The following TF variants were observed in gnomAD, a reference collection of about 807,000 sequenced individuals.
TF encodes the protein transferrin.
TF carries 55 observed loss-of-function variants against 82.4 expected under a neutral mutation model. That is an observed-to-expected ratio of 0.67 (90% CI 0.54 to 0.84). The LOEUF is 0.84. Among genes scored for constraint, TF ranks in the 40% least tolerant of loss-of-function variants. The pLI is 0.00. For synonymous variants in TF, 332 were observed against 332.6 expected, an observed-to-expected ratio of 1.00 and a Z score of 0.02; for missense variants, 737 against 868.4, an observed-to-expected ratio of 0.85 and a Z score of 1.90.
chr3:133,756,685 G>A lies in TF; in HGVS notation c.692-146G>A, dbSNP rs41295764. The A allele has an allele frequency of 1.8e-3, 1,760 of 1,004,056 alleles. 10 individuals are homozygous for A. In the African/African-American group the frequency reaches 0.018, roughly 10 times the overall value. The allele number at this position is 1,004,056 out of a possible 1,614,324, so 62.2% of individuals were successfully genotyped here. A position where few individuals can be genotyped will look rare whatever the true frequency, so the allele number is the denominator to read the frequency against. ...TTTACCTGGCTGTGGGCTCTTGAGC[G>A]AGTCATTCTCCCGCATGTTCTCTGG... On this transcript the variant is annotated intron_variant, in intron 6 of 16. Transcript: ENST00000402696.
rs1559883678 is a variant in TF, at chr3:133,786,230, A to AAAAC, written c.*7613_*7614insCAAA. ...TCAATAAAAAAATAAATTAAAAAAAAAAAAAAAAAACAATACTATTTTTTG... is the reference window on the plus strand; with the variant it reads ...TCAATAAAAAAATAAATTAAAAAAAAAAACAAAAAAAAAACAATACTATTTTTTG... On this transcript the variant is annotated 3_prime_UTR_variant, in exon 17 of 17. Transcript: ENST00000402696. 5.2e-5 allele frequency: 4 copies of AAAAC among 77,196 alleles called. No individual in the cohort carries two copies. The highest frequency in any genetic ancestry group is 6.0e-4 in the South Asian group (1 of 1,676). 4.8% of individuals were successfully genotyped at this position (77,196 alleles called of 1,614,324 possible). A position where few individuals can be genotyped will look rare whatever the true frequency, so the allele number is the denominator to read the frequency against.
At chr3:133,754,095 A>T (rs1225394092) in intron 3 of TF, 1 of 417,704 alleles carries the variant, frequency 2.4e-6, no homozygotes, top group Non-Finnish European at 4.5e-6. Flanking sequence ...CAGCCCTGCA[A>T]GTCTTCTGAG....
chr3:133,679,557 TGCTTTGTTTG>T, the TF span, among the ~76,000 whole-genome samples: 1 of 150,106 alleles, frequency 6.7e-6, no homozygotes, highest in Non-Finnish European at 1.5e-5. Context: ...CAGTATATTG[TGCTTTGTTTG>T]GCTTTTTTTT....
chr3:133,765,868 G>A (rs1525892), intron 11 of TF, among the ~76,000 whole-genome samples: 47,927 of 149,070 alleles, frequency 0.32, 7,951 homozygotes, highest in South Asian at 0.42. Context: ...GTTTGGCTCA[G>A]TTTTTTCTCT....
chr3:133,663,660 A>T, the TF span, among the ~76,000 whole-genome samples: 4 of 152,070 alleles, frequency 2.6e-5, no homozygotes, highest in African/African-American at 9.7e-5. Flanking sequence ...TGTTATGGAG[A>T]TGGGGAAAGT....
At chr3:133,703,181 A>G in the TF span, among the ~76,000 whole-genome samples, 6 of 152,150 alleles carry the variant, frequency 3.9e-5, no homozygotes, top group Non-Finnish European at 8.8e-5. Context: ...TATATTTCTG[A>G]GTATATCTTT....
intron 7 of TF, among the ~76,000 whole-genome samples, 192 bp from the exon 8 acceptor site, chr3:133,757,577 C>G (rs8177237): frequency 0.52 from 78,676 of 152,086 alleles, 21,204 homozygotes; most frequent in East Asian, 0.66. Flanking sequence ...CAGGTTCAGG[C>G]AAATCGCGGA....
rs973691371 is a variant in TF at position 133,782,823 on chromosome 3, A to C, written c.*4203A>C. 6.6e-6 allele frequency: 1 copy of C among 151,678 alleles called. No homozygotes were observed. Among genetic ancestry groups the C allele is most frequent in the African/African-American group, 2.4e-5 (1 of 41,244 alleles). The allele number at this position is 151,678 out of a possible 1,614,324, so 9.4% of individuals were successfully genotyped here. A position where few individuals can be genotyped will look rare whatever the true frequency, so the allele number is the denominator to read the frequency against. ...AAAAAAAAAAAACAAAAAAAACCCCAAAAAACCAAAACAACAACAAACAAA... is the reference window on the plus strand; with the variant it reads ...AAAAAAAAAAAACAAAAAAAACCCCCAAAAACCAAAACAACAACAAACAAA... On this transcript the variant is annotated 3_prime_UTR_variant, in exon 17 of 17. Coordinates refer to ENST00000402696, the MANE Select transcript of TF (RefSeq NM_001063.4).
At chr3:133,776,892 T>C (rs183915132) in intron 15 of TF, among the ~76,000 whole-genome samples, 157 bp from the exon 16 acceptor site, 127 of 152,136 alleles carry the variant, frequency 8.3e-4, no homozygotes, top group Non-Finnish European at 1.6e-3. Flanking sequence ...CCTAAGTGGA[T>C]AAATGGCAGA....
the TF span, among the ~76,000 whole-genome samples, chr3:133,731,935 G>A: frequency 5.9e-5 from 9 of 152,084 alleles, no homozygotes; most frequent in Non-Finnish European, 8.8e-5. Flanking sequence ...ATAGAAGGTG[G>A]GCATAGGGAA....
intron 2 of TF, among the ~76,000 whole-genome samples, chr3:133,752,689 A>G (rs918078150): frequency 6.6e-6 from 1 of 152,210 alleles, no homozygotes; most frequent in African/African-American, 2.4e-5. Context: ...GTGTAATGAT[A>G]AGAAATAAAC....
intron 4 of TF, 129 bp from the exon 5 acceptor site, chr3:133,755,234 C>A (rs1380996455): frequency 1.7e-6 from 2 of 1,196,540 alleles, no homozygotes; most frequent in Non-Finnish European, 2.5e-6. Context: ...AGCATAAGGG[C>A]AAGCTGGGGC....
chr3:133,690,095 A>G, the TF span, among the ~76,000 whole-genome samples: 1 of 152,180 alleles, frequency 6.6e-6, no homozygotes. Flanking sequence ...AACTTGATTA[A>G]AAGACATAGA....
At chr3:133,715,833 T>C in the TF span, among the ~76,000 whole-genome samples, 6 of 152,334 alleles carry the variant, frequency 3.9e-5, no homozygotes, top group African/African-American at 1.2e-4. Flanking sequence ...CACCGACCAC[T>C]GTGGAGATGA....
intron 9 of TF, among the ~76,000 whole-genome samples, chr3:133,763,204 T>C (rs1387392053): frequency 6.6e-6 from 1 of 152,170 alleles, no homozygotes; most frequent in Non-Finnish European, 1.5e-5. Context: ...TTATGGAAAA[T>C]ATATAAAGTG....
At chr3:133,764,729 G>C in intron 10 of TF, 146 bp from the exon 11 acceptor site, 5 of 763,062 alleles carry the variant, frequency 6.6e-6, no homozygotes, top group Non-Finnish European at 1.1e-5. Flanking sequence ...ATGATCCAGA[G>C]AGTCTGGACT....
At chr3:133,752,366 G>A (rs966459352) in intron 2 of TF, among the ~76,000 whole-genome samples, 1 of 152,080 alleles carries the variant, frequency 6.6e-6, no homozygotes, top group Non-Finnish European at 1.5e-5. Context: ...CCAAAGTGCT[G>A]GAAGTACAAG....
the TF span, chr3:133,699,682 A>T: frequency 6.6e-6 from 3 of 455,520 alleles, no homozygotes. Flanking sequence ...ATTTGGAGGG[A>T]GGTTAACTTC....
In TF at chr3:133,775,547, C is replaced by T; in HGVS notation, c.1802C>T (p.Ala601Val). ...TATGCGAACTGCCACCTGGCCAGAGCCCCGAATCACGCTGTGGTCACACGG... is the reference window on the plus strand; with the variant it reads ...TATGCGAACTGCCACCTGGCCAGAGTCCCGAATCACGCTGTGGTCACACGG... ...EEYANCHLARAPNHAVVTRKD... is the reference protein window; with the variant it reads ...EEYANCHLARVPNHAVVTRKD... Residue 601 changes from alanine to valine, a missense_variant, in exon 15 of 17, where the codon GCC becomes GTC. Transcript: ENST00000402696. 5 of 1,614,186 alleles carry T rather than the reference C, an allele frequency of 3.1e-6. No homozygotes were observed. In the South Asian group the frequency reaches 3.3e-5, roughly 11 times the overall value.
Sources: allele counts gnomAD v4.1 joint callset (sites outside exome capture counted in the v4.1 genomes callset), GRCh38; gene constraint gnomAD v4.1.1; transcripts MANE v1.5; gene names NCBI Gene and HGNC (gene_info 2026-07-23, HGNC 2026-07-21).